RBFOX1: variants seen among roughly 807,000 people sequenced by gnomAD.
RBFOX1 encodes the protein RNA binding protein fox-1 homolog 1.
Under a neutral mutation model 57.7 loss-of-function variants are expected in RBFOX1, and 8 were observed. That is an observed-to-expected ratio of 0.14 (90% CI 0.08 to 0.25). The LOEUF (loss-of-function observed/expected upper bound fraction) is 0.25, where lower values mean the gene tolerates loss of function less well. RBFOX1 is among the 10% of genes least tolerant of loss of function. The probability of loss-of-function intolerance (pLI) is 1.00; values close to 1 mark genes in which losing one functional copy is unlikely to be tolerated. For missense variants in RBFOX1, 611 were observed against 548.5 expected (o/e 1.11, Z -1.14); for synonymous variants, 326 against 222.4 (o/e 1.47, Z -4.15).
intron 3 of RBFOX1, among the ~76,000 whole-genome samples, chr16:5,781,235 G>T (rs2054312952): frequency 6.6e-6 from 1 of 152,178 alleles, no homozygotes; most frequent in African/African-American, 2.4e-5. Context: ...GGGAGGAAGG[G>T]TGCATCCTCT....
At chr16:6,307,052 C>T (rs2079593879) in intron 1 of RBFOX1, among the ~76,000 whole-genome samples, 1 of 152,206 alleles carries the variant, frequency 6.6e-6, no homozygotes, top group Admixed American at 6.5e-5. Flanking sequence ...CTAAACATTA[C>T]ATCAGCGTAA....
At chr16:7,239,619 C>T (rs1356589461) in intron 4 of RBFOX1, among the ~76,000 whole-genome samples, 1 of 152,180 alleles carries the variant, frequency 6.6e-6, no homozygotes, top group Admixed American at 6.5e-5. Flanking sequence ...CACTGAGCTT[C>T]TCTGAGGCTT....
At chr16:5,579,242 C>A (rs2046578048) in intron 2 of RBFOX1, among the ~76,000 whole-genome samples, 1 of 152,118 alleles carries the variant, frequency 6.6e-6, no homozygotes, top group Non-Finnish European at 1.5e-5. Context: ...GTAAATAGTG[C>A]AGGTAGCCAG....
intron 1 of RBFOX1, among the ~76,000 whole-genome samples, chr16:5,300,676 C>T (rs1197972015): frequency 6.6e-6 from 1 of 152,076 alleles, no homozygotes; most frequent in African/African-American, 2.4e-5. Flanking sequence ...GAATTCAATT[C>T]ATATGATAAC....
chr16:7,139,283 C>G (rs972531702), intron 4 of RBFOX1, among the ~76,000 whole-genome samples: 4 of 151,684 alleles, frequency 2.6e-5, no homozygotes, highest in African/African-American at 9.7e-5. Context: ...TCTGTCACTC[C>G]CCATGCAGAA....
At chr16:7,265,682 C>T (rs1486488884) in intron 4 of RBFOX1, among the ~76,000 whole-genome samples, 7 of 152,140 alleles carry the variant, frequency 4.6e-5, no homozygotes, top group Non-Finnish European at 1.0e-4. Flanking sequence ...CTCCTGACCT[C>T]AGGTGATCCG....
At chr16:6,993,574 G>A (rs1035152685) in intron 3 of RBFOX1, among the ~76,000 whole-genome samples, 9 of 152,146 alleles carry the variant, frequency 5.9e-5, no homozygotes, top group Admixed American at 2.0e-4. Flanking sequence ...AGGGAGGCAA[G>A]AGTGGTGCTG....
chr16:6,282,571 A>G (rs968506322), intron 1 of RBFOX1, among the ~76,000 whole-genome samples: 6 of 151,642 alleles, frequency 4.0e-5, no homozygotes, highest in African/African-American at 1.5e-4. Context: ...AGTGTGTGAT[A>G]TTCCCCTCCC....
chr16:6,166,073 T>C (rs2096914807), intron 1 of RBFOX1, among the ~76,000 whole-genome samples: 1 of 152,218 alleles, frequency 6.6e-6, no homozygotes, highest in Admixed American at 6.5e-5. Context: ...TCTCAGAGTG[T>C]AGTCTTTTCT....
intron 5 of RBFOX1, among the ~76,000 whole-genome samples, chr16:7,526,209 C>A (rs373065109): frequency 3.2e-4 from 48 of 152,268 alleles, no homozygotes; most frequent in African/African-American, 1.1e-3. Context: ...AACCATCCTC[C>A]CTGCCCCACT....
At chr16:6,346,576 G>A (rs1163509807) in intron 2 of RBFOX1, among the ~76,000 whole-genome samples, 1 of 152,224 alleles carries the variant, frequency 6.6e-6, no homozygotes, top group Non-Finnish European at 1.5e-5. Flanking sequence ...GACTGCCTGT[G>A]TTGAGGAGTG....
intron 4 of RBFOX1, among the ~76,000 whole-genome samples, chr16:7,069,230 A>G (rs1206764435): frequency 6.6e-6 from 1 of 152,158 alleles, no homozygotes; most frequent in Non-Finnish European, 1.5e-5. Context: ...ATACATGTGC[A>G]GGATGTGCAG....
chr16:6,289,034 C>G (rs1441618770), intron 1 of RBFOX1, among the ~76,000 whole-genome samples: 2 of 152,008 alleles, frequency 1.3e-5, no homozygotes, highest in Non-Finnish European at 2.9e-5. Flanking sequence ...ACAGAATGAG[C>G]TTTTATCATT....
At chr16:7,181,480 G>T (rs2082690398) in intron 4 of RBFOX1, among the ~76,000 whole-genome samples, 1 of 151,792 alleles carries the variant, frequency 6.6e-6, no homozygotes, top group African/African-American at 2.4e-5. Context: ...ACCTAAAAGA[G>T]AATTAACTAA....
chr16:7,297,006 G>T (rs962020951), intron 4 of RBFOX1, among the ~76,000 whole-genome samples: 19 of 152,178 alleles, frequency 1.2e-4, no homozygotes, highest in African/African-American at 4.6e-4. Flanking sequence ...CAGGGGAAGA[G>T]CTGGGTTGAA....
intron 11 of RBFOX1, among the ~76,000 whole-genome samples, chr16:7,642,796 C>A (rs1021912190): frequency 6.6e-6 from 1 of 152,088 alleles, no homozygotes; most frequent in African/African-American, 2.4e-5. Context: ...AAATAAATCT[C>A]AGCTCTTCAG....
chr16:7,551,860 A>C (rs2086644944), intron 5 of RBFOX1, among the ~76,000 whole-genome samples: 1 of 152,204 alleles, frequency 6.6e-6, no homozygotes, highest in African/African-American at 2.4e-5. Flanking sequence ...GGTATGGCCA[A>C]GATAGGTTTC....
intron 4 of RBFOX1, among the ~76,000 whole-genome samples, chr16:7,505,913 C>G (rs944621061): frequency 1.3e-5 from 2 of 152,108 alleles, no homozygotes; most frequent in African/African-American, 2.4e-5. Flanking sequence ...TGGCCAGGTG[C>G]AGTGGCTCAT....
rs71391610 is a variant in RBFOX1 at position 7,251,405 on chromosome 16, G to GTTTT, written c.27+199320_27+199323dup. The stretch of plus-strand genomic sequence containing the variant: ...GTAGATACAGAGCATACTTCTGTCC[G>GTTTT]TTTTTTTTTTTTTTTTCTGTGGGGG... On this transcript the variant is annotated intron_variant, in intron 4 of 15. Transcript: ENST00000550418. Among the ~76,000 whole-genome samples, 16 of 127,938 alleles carry GTTTT rather than the reference G, an allele frequency of 1.3e-4. 1 individual carries two copies. The highest frequency in any genetic ancestry group is 1.8e-4 in the African/African-American group (6 of 33,350). The allele number at this position is 127,938 out of a possible 152,430, so 83.9% of individuals were successfully genotyped here. A position where few individuals can be genotyped will look rare whatever the true frequency, so the allele number is the denominator to read the frequency against.
Sources: allele counts gnomAD v4.1 joint callset (sites outside exome capture counted in the v4.1 genomes callset), GRCh38; gene constraint gnomAD v4.1.1; transcripts MANE v1.5; gene names NCBI Gene and HGNC (gene_info 2026-07-23, HGNC 2026-07-21).